The following SEMA5A variants were observed in gnomAD, a reference collection of about 807,000 sequenced individuals.
The protein encoded by SEMA5A is semaphorin-5A.
A neutral mutation model predicts 135.5 loss-of-function variants in SEMA5A; 55 were observed. The ratio of observed to expected loss-of-function variants is 0.41; its 90% CI spans 0.33 to 0.51. The LOEUF (loss-of-function observed/expected upper bound fraction) is 0.51. Ranked by LOEUF, SEMA5A falls within the 20% of genes least tolerant of loss-of-function variation. The probability of loss-of-function intolerance (pLI) is 0.37; values close to 1 mark genes in which losing one functional copy is unlikely to be tolerated. For synonymous variants in SEMA5A, 580 were observed against 546.5 expected (o/e 1.06, Z -0.85); for missense variants, 1,290 against 1,419.9 (o/e 0.91, Z 1.47).
intron 1 of SEMA5A, among the ~76,000 whole-genome samples, chr5:9,459,432 C>T (rs62341284): frequency 0.16 from 23,746 of 152,252 alleles, 2,371 homozygotes; most frequent in Non-Finnish European, 0.22. Context: ...GAAATCCATA[C>T]GACAAGGAAG....
intron 1 of SEMA5A, among the ~76,000 whole-genome samples, chr5:9,487,178 T>C (rs999142596): frequency 6.6e-6 from 1 of 152,076 alleles, no homozygotes; most frequent in Admixed American, 6.6e-5. Context: ...TAATTGGAAA[T>C]CAAAAAATTA....
At chr5:9,087,688 G>T (rs1447851412) in intron 16 of SEMA5A, among the ~76,000 whole-genome samples, 1 of 151,872 alleles carries the variant, frequency 6.6e-6, no homozygotes, top group Non-Finnish European at 1.5e-5. Context: ...TATAATGGAG[G>T]TCACTTATAT....
intron 8 of SEMA5A, among the ~76,000 whole-genome samples, chr5:9,208,941 G>T (rs1746197773): frequency 6.6e-6 from 1 of 152,162 alleles, no homozygotes; most frequent in Non-Finnish European, 1.5e-5. Context: ...ACAGAAAAAA[G>T]TTATTGCTAA....
chr5:9,239,547 C>G (rs1748089318), intron 5 of SEMA5A, among the ~76,000 whole-genome samples: 1 of 152,118 alleles, frequency 6.6e-6, no homozygotes, highest in South Asian at 2.1e-4. Context: ...GATCTCTTTA[C>G]AAAATATTAC....
At chr5:9,264,504 C>T (rs141557131) in intron 5 of SEMA5A, among the ~76,000 whole-genome samples, 5 of 152,200 alleles carry the variant, frequency 3.3e-5, no homozygotes, top group Admixed American at 6.5e-5. Context: ...CCATATGCTC[C>T]GGGAATGATT....
chr5:9,236,894 G>A (rs1747943443), intron 6 of SEMA5A, among the ~76,000 whole-genome samples: 1 of 152,102 alleles, frequency 6.6e-6, no homozygotes, highest in African/African-American at 2.4e-5. Flanking sequence ...TTAAAGGGCA[G>A]GGAAGCAGAC....
chr5:9,165,934 A>C (rs551393626), intron 11 of SEMA5A, among the ~76,000 whole-genome samples: 1 of 152,264 alleles, frequency 6.6e-6, no homozygotes, highest in East Asian at 1.9e-4. Context: ...CTGGGAGCTC[A>C]ATATTACATT....
intron 11 of SEMA5A, among the ~76,000 whole-genome samples, chr5:9,180,466 T>C (rs967378504): frequency 5.3e-5 from 8 of 152,132 alleles, no homozygotes; most frequent in African/African-American, 1.9e-4. Flanking sequence ...GGTTTGGATT[T>C]ATAATTTCTG....
intron 10 of SEMA5A, among the ~76,000 whole-genome samples, chr5:9,194,256 A>G (rs887585470): frequency 1.6e-4 from 24 of 152,326 alleles, no homozygotes; most frequent in African/African-American, 5.3e-4. Flanking sequence ...TCCGAAAAAA[A>G]TGATACTTTT....
chr5:9,335,092 A>T lies in SEMA5A; in HGVS notation c.224+2621T>A, dbSNP rs548362389. On this transcript the variant is annotated intron_variant, in intron 4 of 22. Coordinates refer to ENST00000382496, the MANE Select transcript of SEMA5A (RefSeq NM_003966.3). ...GGATGGAGACTCTAGGGACGCTGGG[A>T]TGGACACTCTAGAGACATTGGGATG... 2.0e-5 allele frequency among the ~76,000 whole-genome samples: 3 copies of T among 152,144 alleles called. No homozygotes were observed. In the South Asian group the frequency reaches 6.2e-4, roughly 32 times the overall value.
At chr5:9,203,595 C>A (rs1018111946) in intron 8 of SEMA5A, among the ~76,000 whole-genome samples, 3 of 152,168 alleles carry the variant, frequency 2.0e-5, no homozygotes, top group African/African-American at 4.8e-5. Context: ...AATTTTCAAT[C>A]AATACCTATA....
intron 1 of SEMA5A, among the ~76,000 whole-genome samples, chr5:9,446,854 A>C (rs1235024150): frequency 6.6e-6 from 1 of 152,232 alleles, no homozygotes; most frequent in Non-Finnish European, 1.5e-5. Context: ...AAAACATAAA[A>C]AAAGGGCTGG....
chr5:9,282,046 C>T (rs948304737), intron 5 of SEMA5A, among the ~76,000 whole-genome samples: 2 of 151,920 alleles, frequency 1.3e-5, no homozygotes, highest in Non-Finnish European at 2.9e-5. Flanking sequence ...CTCCTGACCT[C>T]GTGATCCACC....
intron 1 of SEMA5A, among the ~76,000 whole-genome samples, chr5:9,497,609 G>T (rs575265500): frequency 6.6e-6 from 1 of 152,316 alleles, no homozygotes; most frequent in African/African-American, 2.4e-5. Flanking sequence ...AGGCATCTAA[G>T]CACGTCCCAG....
intron 5 of SEMA5A, among the ~76,000 whole-genome samples, chr5:9,278,852 A>G (rs1750397437): frequency 6.6e-6 from 1 of 152,248 alleles, no homozygotes; most frequent in East Asian, 1.9e-4. Flanking sequence ...CCTAGATTTC[A>G]GAAGATGTAT....
At chr5:9,474,188 C>A (rs1759583161) in intron 1 of SEMA5A, among the ~76,000 whole-genome samples, 1 of 152,146 alleles carries the variant, frequency 6.6e-6, no homozygotes, top group African/African-American at 2.4e-5. Flanking sequence ...AGCTGATGAT[C>A]AGATTGATCA....
At chr5:9,291,016 A>G (rs1283546454) in intron 5 of SEMA5A, among the ~76,000 whole-genome samples, 2 of 152,226 alleles carry the variant, frequency 1.3e-5, no homozygotes, top group Non-Finnish European at 2.9e-5. Flanking sequence ...ACCAGCATCA[A>G]CTTACATTTT....
rs186852922 is a variant in SEMA5A, at chr5:9,500,341, A to C, written c.-175+45243T>G. Among the ~76,000 whole-genome samples the C allele has an allele frequency of 4.6e-5, 7 of 152,342 alleles. No individual in the cohort carries two copies. The South Asian group carries it at 1.5e-3, about 32-fold the overall frequency. ...TCATCCCCATGGGGCCTCTGAAGTG[A>C]TATTCTTTCCAAATGACAAGAGAGC... On this transcript the variant is annotated intron_variant, in intron 1 of 22. Coordinates refer to ENST00000382496, the MANE Select transcript of SEMA5A (RefSeq NM_003966.3).
rs115844702 is a variant in SEMA5A, at chr5:9,196,406, G to C, written c.1068+762C>G. ...GATGTCCACCTGCAAGCCAGGAAGA[G>C]AGAGCCCTCACCTGAAAATGGCCCT... On this transcript the variant is annotated intron_variant, in intron 10 of 22. Transcript: ENST00000382496. 3.3e-3 allele frequency among the ~76,000 whole-genome samples: 503 copies of C among 152,332 alleles called. 3 individuals are homozygous for C. The highest frequency in any genetic ancestry group is 0.012 in the African/African-American group (481 of 41,584).
Sources: allele counts gnomAD v4.1 joint callset (sites outside exome capture counted in the v4.1 genomes callset), GRCh38; gene constraint gnomAD v4.1.1; transcripts MANE v1.5; gene names NCBI Gene and HGNC (gene_info 2026-07-23, HGNC 2026-07-21).